Variants in NAALADL2 observed in about 807,000 individuals in gnomAD.
The protein encoded by NAALADL2 is N-acetylated alpha-linked acidic dipeptidase like 2.
In NAALADL2, 76 loss-of-function variants were observed where a neutral mutation model predicts 87.2. That is an observed-to-expected ratio of 0.87 (90% CI 0.72 to 1.05). The LOEUF is 1.05. NAALADL2 is among the 50% of genes least tolerant of loss of function. The pLI is 0.00. For synonymous variants in NAALADL2, 354 were observed against 331.0 expected (o/e 1.07, Z -0.75); for missense variants, 1,089 against 945.8 (o/e 1.15, Z -1.99).
intron 11 of NAALADL2, among the ~76,000 whole-genome samples, chr3:175,647,204 A>G (rs2149778071): frequency 6.6e-6 from 1 of 152,262 alleles, no homozygotes; most frequent in Admixed American, 6.5e-5. Context: ...TATATTCCTA[A>G]CAGAGAAGAG....
intron 1 of NAALADL2, among the ~76,000 whole-genome samples, chr3:174,441,628 C>A: frequency 6.6e-6 from 1 of 152,170 alleles, no homozygotes; most frequent in South Asian, 2.1e-4. Context: ...AGAGCCTGCG[C>A]TGCTGGTTCT....
intron 3 of NAALADL2, among the ~76,000 whole-genome samples, chr3:174,773,320 T>A (rs1413355233): frequency 6.6e-6 from 1 of 152,130 alleles, no homozygotes; most frequent in African/African-American, 2.4e-5. Context: ...AATTGAGAGG[T>A]GTGAACCCAA....
intron 1 of NAALADL2, among the ~76,000 whole-genome samples, chr3:174,928,867 T>C (rs1374608719): frequency 6.6e-6 from 1 of 152,198 alleles, no homozygotes; most frequent in African/African-American, 2.4e-5. Flanking sequence ...TGGACTTTTA[T>C]TCATGTTTGA....
At chr3:175,149,024 A>G (rs1178216128) in intron 2 of NAALADL2, among the ~76,000 whole-genome samples, 7 of 152,178 alleles carry the variant, frequency 4.6e-5, no homozygotes, top group African/African-American at 1.7e-4. Context: ...CATTGAATCT[A>G]TAGATTGCTT....
intron 4 of NAALADL2, among the ~76,000 whole-genome samples, chr3:175,322,125 G>T (rs921105058): frequency 6.7e-6 from 1 of 150,274 alleles, no homozygotes; most frequent in African/African-American, 2.4e-5. Context: ...GCATGGTACT[G>T]GTACCAAAAC....
At chr3:175,125,018 T>C (rs1026701848) in intron 2 of NAALADL2, among the ~76,000 whole-genome samples, 5 of 151,870 alleles carry the variant, frequency 3.3e-5, no homozygotes, top group Non-Finnish European at 7.4e-5. Context: ...GAGAAGTAGA[T>C]CGTATAGAGT....
At chr3:175,564,203 C>T (rs1331559375) in intron 9 of NAALADL2, among the ~76,000 whole-genome samples, 2 of 152,036 alleles carry the variant, frequency 1.3e-5, no homozygotes, top group Non-Finnish European at 2.9e-5. Context: ...AGAGCACCTA[C>T]CTGATTTACA....
chr3:174,858,605 G>A (rs1726112801), upstream of NAALADL2, among the ~76,000 whole-genome samples: 1 of 151,944 alleles, frequency 6.6e-6, no homozygotes, highest in Admixed American at 6.6e-5. Context: ...ACTGATGTCA[G>A]TACATGATCT....
At chr3:174,689,159 A>T (rs929660828) in intron 2 of NAALADL2, among the ~76,000 whole-genome samples, 1 of 152,070 alleles carries the variant, frequency 6.6e-6, no homozygotes, top group African/African-American at 2.4e-5. Flanking sequence ...TTAATTACGA[A>T]CCTGTTTTAT....
chr3:174,601,494 G>C (rs1418962780), intron 2 of NAALADL2, among the ~76,000 whole-genome samples: 1 of 152,010 alleles, frequency 6.6e-6, no homozygotes, highest in East Asian at 1.9e-4. Context: ...CAGATTATTA[G>C]ATTTTTTTGC....
chr3:175,292,527 T>C (rs1755759350), intron 4 of NAALADL2, among the ~76,000 whole-genome samples: 1 of 152,078 alleles, frequency 6.6e-6, no homozygotes. Context: ...CCACCTATTG[T>C]CACTATTTGT....
At chr3:175,576,218 A>C (rs761994123) in intron 10 of NAALADL2, 31 bp downstream of exon 10, 1 of 1,600,958 alleles carries the variant, frequency 6.2e-7, no homozygotes, top group Admixed American at 1.7e-5. Flanking sequence ...CAAAACACAC[A>C]CACACAATAT....
At chr3:175,152,260 T>G (rs1731655512) in intron 2 of NAALADL2, among the ~76,000 whole-genome samples, 1 of 152,210 alleles carries the variant, frequency 6.6e-6, no homozygotes, top group Admixed American at 6.6e-5. Flanking sequence ...CCGTTGTGTT[T>G]CTGAGATCAT....
intron 2 of NAALADL2, among the ~76,000 whole-genome samples, chr3:175,207,275 A>G (rs928794325): frequency 2.0e-5 from 3 of 152,088 alleles, no homozygotes; most frequent in African/African-American, 7.2e-5. Context: ...AAGGTTTGGA[A>G]TTGAGGGGAG....
intron 13 of NAALADL2, among the ~76,000 whole-genome samples, chr3:175,760,293 T>C (rs1747829261): frequency 6.6e-6 from 1 of 152,174 alleles, no homozygotes; most frequent in East Asian, 1.9e-4. Flanking sequence ...TGTAATTATA[T>C]GAAGATCTAT....
At chr3:175,521,301 T>C (rs1235960086) in intron 9 of NAALADL2, among the ~76,000 whole-genome samples, 1 of 152,164 alleles carries the variant, frequency 6.6e-6, no homozygotes. Flanking sequence ...TGATATTCTA[T>C]CTTTGGAATG....
intron 3 of NAALADL2, among the ~76,000 whole-genome samples, chr3:174,740,528 G>A (rs905655201): frequency 6.6e-6 from 1 of 151,878 alleles, no homozygotes; most frequent in Non-Finnish European, 1.5e-5. Flanking sequence ...TTAGAAAAAT[G>A]TGACAGTGGC....
chr3:174,881,697 T>G (rs1348495352), intron 1 of NAALADL2, among the ~76,000 whole-genome samples: 1 of 152,172 alleles, frequency 6.6e-6, no homozygotes, highest in East Asian at 1.9e-4. Context: ...TATTCCTGGA[T>G]GTATCCCAAG....
At chr3:175,795,448 T>G (rs1307668800) in intron 13 of NAALADL2, among the ~76,000 whole-genome samples, 4 of 151,042 alleles carry the variant, frequency 2.6e-5, no homozygotes, top group African/African-American at 7.3e-5. Flanking sequence ...CCGAGGTAAG[T>G]GGATCACGAG....
Sources: allele counts gnomAD v4.1 joint callset (sites outside exome capture counted in the v4.1 genomes callset), GRCh38; gene constraint gnomAD v4.1.1; transcripts MANE v1.5; gene names NCBI Gene and HGNC (gene_info 2026-07-23, HGNC 2026-07-21).